MTA1: variants seen among roughly 807,000 people sequenced by gnomAD.
MTA1 encodes the protein metastasis associated 1, also known as metastasis-associated protein MTA1.
MTA1 carries 15 observed loss-of-function variants against 97.0 expected under a neutral mutation model. The observed-to-expected ratio is 0.15, with a 90% CI of 0.10 to 0.24. The LOEUF is 0.24. Among genes scored for constraint, MTA1 ranks in the 10% least tolerant of loss-of-function variants. MTA1 has a pLI of 1.00. For missense variants in MTA1, 709 were observed against 1,015.1 expected, an observed-to-expected ratio of 0.70 and a Z score of 4.10; for synonymous variants, 435 against 417.5, an observed-to-expected ratio of 1.04 and a Z score of -0.51.
At position 105,465,115 on chromosome 14, in the gene MTA1, C is replaced by T. The variant is rs1555432335; in HGVS notation, c.1556C>T (p.Ala519Val). 1.3e-6 allele frequency: 2 copies of T among 1,520,630 alleles called. No individual in the cohort carries two copies. Among genetic ancestry groups the T allele is most frequent in the Non-Finnish European group, 1.8e-6 (2 of 1,129,280 alleles). The allele number at this position is 1,520,630 out of a possible 1,614,324, so 94.2% of individuals were successfully genotyped here. A position where few individuals can be genotyped will look rare whatever the true frequency, so the allele number is the denominator to read the frequency against. ...GCAGGCACGGCGCGGCTGCCCGAAG[C>T]CTCCCAGAGCCCGCTGGTGCTGAAG... ...KAECTARLPE[A>V]SQSPLVLKQA... Residue 519 changes from alanine (A) to valine (V), a missense_variant, in exon 16 of 21, where the codon GCC becomes GTC. By Grantham distance (64) the Ala-to-Val change is moderately conservative. Transcript: ENST00000331320.
At chr14:105,458,481 A>T in intron 8 of MTA1, 109 bp downstream of exon 8, 1 of 992,312 alleles carries the variant, frequency 1.0e-6, no homozygotes, top group Non-Finnish European at 1.5e-6. Context: ...CCATATCCCA[A>T]CAAGAAGCCC....
At chr14:105,438,495 GCCA>G (rs1415079547) in intron 1 of MTA1, among the ~76,000 whole-genome samples, 174 bp from the exon 2 acceptor site, 1 of 152,136 alleles carries the variant, frequency 6.6e-6, no homozygotes, top group African/African-American at 2.4e-5. Context: ...TTTGGTTGCA[GCCA>G]CCCCTCCCTG....
At position 105,424,944 on chromosome 14, in the gene MTA1, G is replaced by A. The variant is rs1555421894; in HGVS notation, c.28+4881G>A. Among the ~76,000 whole-genome samples the A allele has an allele frequency of 6.6e-6, 1 of 152,252 alleles. No individual in the cohort carries two copies. The highest frequency in any genetic ancestry group is 1.9e-4 in the East Asian group (1 of 5,202). The stretch of plus-strand genomic sequence containing the variant: ...GGCAGTGCCGTTCCCGCCCGTGTGT[G>A]TGGGTTCTGGGTGTCAAAACTGCTG... On this transcript the variant is annotated intron_variant, in intron 1 of 20. Transcript: ENST00000331320. This position sits in a 1 kb window ranked among gnomAD's most constrained non-coding sequence, Gnocchi z 4.0.
intron 10 of MTA1, among the ~76,000 whole-genome samples, chr14:105,462,372 C>A (rs1038055071): frequency 6.6e-6 from 1 of 152,166 alleles, no homozygotes; most frequent in Non-Finnish European, 1.5e-5. Context: ...AGATCAAGAC[C>A]ATCCTGGCCA....
intron 3 of MTA1, among the ~76,000 whole-genome samples, chr14:105,446,684 C>G (rs2082728925): frequency 6.6e-6 from 1 of 152,216 alleles, no homozygotes; most frequent in African/African-American, 2.4e-5. Flanking sequence ...TGTCCCTTAA[C>G]CCCACTGCCT....
chr14:105,421,597 C>T (rs587763032), intron 1 of MTA1, among the ~76,000 whole-genome samples: 3 of 152,340 alleles, frequency 2.0e-5, no homozygotes, highest in East Asian at 1.9e-4. Context: ...CTGCATTGCT[C>T]GGCCTTCAGG....
At chr14:105,448,504 TGTGGGCC>T (rs2082796436) in intron 3 of MTA1, among the ~76,000 whole-genome samples, 1 of 152,120 alleles carries the variant, frequency 6.6e-6, no homozygotes, top group Non-Finnish European at 1.5e-5. Context: ...GGGGCTGGTG[TGTGGGCC>T]TCTGGGCCCT....
chr14:105,442,236 G>A (rs1039701179), intron 2 of MTA1, among the ~76,000 whole-genome samples: 21 of 152,208 alleles, frequency 1.4e-4, no homozygotes, highest in South Asian at 4.1e-4. Context: ...TTCGGCAGCC[G>A]CGTTCAGGTG....
chr14:105,463,716 G>A lies in MTA1; in HGVS notation c.1076+165G>A, dbSNP rs889717503. On this transcript the variant is annotated intron_variant, in intron 12 of 20. Coordinates refer to ENST00000331320, the MANE Select transcript of MTA1 (RefSeq NM_004689.4). The surrounding 1 kb of genome is among the most constrained non-coding windows in gnomAD (Gnocchi z 5.9). ...CCAGGGCTGGGGGGTTCTGGCTGCA[G>A]ACGCAGTGGCCATGTCTCTGTCGTC... 1.5e-5 allele frequency: 10 copies of A among 670,384 alleles called. No homozygotes were observed. In the African/African-American group the frequency reaches 1.6e-4, roughly 11 times the overall value. The allele number at this position is 670,384 out of a possible 1,614,324, so 41.5% of individuals were successfully genotyped here.
At chr14:105,449,608 C>G (rs1440285917) in intron 4 of MTA1, among the ~76,000 whole-genome samples, 199 bp downstream of exon 4, 1 of 152,204 alleles carries the variant, frequency 6.6e-6, no homozygotes, top group Non-Finnish European at 1.5e-5. Flanking sequence ...TGAGGGTGAC[C>G]TGCTGGTGTG....
chr14:105,460,060 G>T (rs1385217160), intron 8 of MTA1, among the ~76,000 whole-genome samples: 3 of 21,242 alleles, frequency 1.4e-4, no homozygotes, highest in Non-Finnish European at 1.9e-4. Context: ...CCTGGGGAGC[G>T]GTGTGCGTGG....
intron 2 of MTA1, among the ~76,000 whole-genome samples, chr14:105,441,532 C>T (rs1042919236): frequency 2.0e-5 from 3 of 152,342 alleles, no homozygotes; most frequent in Admixed American, 6.5e-5. Flanking sequence ...CAGGGGCTCA[C>T]GCCTGGAATC....
chr14:105,424,124 C>T lies in MTA1; in HGVS notation c.28+4061C>T, dbSNP rs186179751. On this transcript the variant is annotated intron_variant, in intron 1 of 20. Transcript: ENST00000331320. The surrounding 1 kb of genome is among the most constrained non-coding windows in gnomAD (Gnocchi z 4.0). ...GCCTCAGCACTGCGCCATTGGCAGC[C>T]CTGGCTCACTCTCCAGGCAGGATGG... is the stretch of plus-strand genomic sequence containing the variant. Among the ~76,000 whole-genome samples the T allele has an allele frequency of 6.7e-3, 1,028 of 152,344 alleles. 10 individuals are homozygous for T. Among genetic ancestry groups the T allele is most frequent in the African/African-American group, 0.024 (985 of 41,582 alleles).
chr14:105,447,231 G>A (rs890800542), intron 3 of MTA1, among the ~76,000 whole-genome samples: 8 of 152,298 alleles, frequency 5.3e-5, no homozygotes, highest in Non-Finnish European at 1.2e-4. Flanking sequence ...CTGGCCCGCT[G>A]GAGAAGCAGT....
intron 1 of MTA1, among the ~76,000 whole-genome samples, chr14:105,433,090 G>A (rs587700986): frequency 2.0e-5 from 3 of 152,280 alleles, no homozygotes; most frequent in African/African-American, 7.2e-5. Flanking sequence ...CCAGGGGTAC[G>A]GTTGATTACA....
Position 105,422,253 on chromosome 14 carries a change from C to G in MTA1, c.28+2190C>G, listed in dbSNP as rs2081864644. Among the ~76,000 whole-genome samples the G allele has an allele frequency of 6.6e-6, 1 of 152,120 alleles. No homozygotes were observed. Among genetic ancestry groups the G allele is most frequent in the Non-Finnish European group, 1.5e-5 (1 of 68,010 alleles). Reference sequence around the variant, plus strand: ...TCTGGACCGGAACCCTGGGTTCCGGCAGGACCCCGGCAGAGCCCTGTGGTC... The same window carrying G: ...TCTGGACCGGAACCCTGGGTTCCGGGAGGACCCCGGCAGAGCCCTGTGGTC... On this transcript the variant is annotated intron_variant, in intron 1 of 20. Coordinates refer to ENST00000331320, the MANE Select transcript of MTA1 (RefSeq NM_004689.4). The surrounding 1 kb of genome is among the most constrained non-coding windows in gnomAD (Gnocchi z 4.3).
In MTA1 at chr14:105,466,757, C is replaced by G. The variant is rs28725385; in HGVS notation, c.1813+15C>G. On this transcript the variant is annotated intron_variant, in intron 18 of 20. Transcript: ENST00000331320. The stretch of plus-strand genomic sequence containing the variant: ...GCCCAGTAGGGGTAAGGCCTGGAGC[C>G]GCGGGCGGGCGCTGCGCCGGCCCCG... The G allele has an allele frequency of 1.3e-6, 2 of 1,566,242 alleles. No individual in the cohort carries two copies. Among genetic ancestry groups the G allele is most frequent in the Non-Finnish European group, 1.7e-6 (2 of 1,157,078 alleles).
intron 1 of MTA1, among the ~76,000 whole-genome samples, chr14:105,435,794 T>G: frequency 6.6e-6 from 1 of 152,228 alleles, no homozygotes; most frequent in East Asian, 1.9e-4. Flanking sequence ...TTGGTTCATT[T>G]CATTTAAGTT....
In MTA1 at chr14:105,420,007, CG is replaced by C. The variant is rs1348366414; in HGVS notation, c.-26del. On this transcript the variant is annotated 5_prime_UTR_variant, in exon 1 of 21. Coordinates refer to ENST00000331320, the MANE Select transcript of MTA1 (RefSeq NM_004689.4). The surrounding 1 kb of genome is among the most constrained non-coding windows in gnomAD (Gnocchi z 5.3). ...CCCGCGCCGAGCGCCGCGCCCGCCCCGGGCCCCTCCGCCGCCGCCGGCCCGG... is the reference window on the plus strand; with the variant it reads ...CCCGCGCCGAGCGCCGCGCCCGCCCCGGCCCCTCCGCCGCCGCCGGCCCGG... 1.9e-6 allele frequency: 2 copies of C among 1,044,446 alleles called. No individual in the cohort carries two copies. The highest frequency in any genetic ancestry group is 2.3e-6 in the Non-Finnish European group (2 of 867,352). 64.7% of individuals were successfully genotyped at this position (1,044,446 alleles called of 1,614,324 possible).
Sources: gnomAD v4.1 joint callset for allele counts (sites outside exome capture counted in the v4.1 genomes callset) on GRCh38, gnomAD v4.1.1 for gene constraint, Gnocchi (gnomAD v3.1) non-coding constraint, MANE v1.5 for transcripts, NCBI Gene and HGNC (gene_info 2026-07-23, HGNC 2026-07-21) for gene names.